The following RORA variants were observed in gnomAD, a reference collection of about 807,000 sequenced individuals.
RORA encodes RAR related orphan receptor A.
RORA carries 7 observed loss-of-function variants against 69.5 expected under a neutral mutation model. The ratio of observed to expected loss-of-function variants is 0.10; its 90% confidence interval spans 0.06 to 0.19. RORA has a LOEUF of 0.19. Among genes scored for constraint, RORA ranks in the 10% least tolerant of loss-of-function variants. The pLI is 1.00. For synonymous variants in RORA, 261 were observed against 240.8 expected, an observed-to-expected ratio of 1.08 and a Z score of -0.78; for missense variants, 457 against 663.0, an observed-to-expected ratio of 0.69 and a Z score of 3.41.
intron 1 of RORA, among the ~76,000 whole-genome samples, chr15:60,689,910 G>C (rs2070798234): frequency 2.0e-5 from 3 of 152,174 alleles, no homozygotes; most frequent in African/African-American, 7.2e-5. Flanking sequence ...CTGCCACCTT[G>C]ATTTTGGGAC....
intron 1 of RORA, among the ~76,000 whole-genome samples, chr15:61,004,639 C>A (rs1181164771): frequency 1.3e-5 from 2 of 152,138 alleles, no homozygotes; most frequent in Non-Finnish European, 2.9e-5. Context: ...CACATACACA[C>A]CCGTTCTAGG....
At position 61,022,607 on chromosome 15, in the gene RORA, C is replaced by T. The variant is rs532649702; in HGVS notation, c.166+206446G>A. Among the ~76,000 whole-genome samples the T allele has an allele frequency of 6.6e-5, 10 of 152,140 alleles. No homozygotes were observed. The East Asian group carries it at 1.9e-3, about 29-fold the overall frequency. ...GATGGGGTCATATTCAGAGCCCCGC[C>T]GTGATAAATAAGACTCCTTTCTGTA... On this transcript the variant is annotated intron_variant, in intron 1 of 10. Transcript: ENST00000335670.
At chr15:61,205,705 C>T (rs934410796) in intron 1 of RORA, among the ~76,000 whole-genome samples, 13 of 152,150 alleles carry the variant, frequency 8.5e-5, no homozygotes, top group Admixed American at 3.9e-4. Context: ...TCTCTAGGGG[C>T]AGCTGTGGTC....
At chr15:60,504,619 C>T (rs34923402) in intron 6 of RORA, among the ~76,000 whole-genome samples, 4,252 of 152,270 alleles carry the variant, frequency 0.028, 90 homozygotes, top group Middle Eastern at 0.048. Context: ...ACTCTAAAAT[C>T]CTATTTCATA....
At chr15:61,038,359 G>A (rs1388335289) in intron 1 of RORA, among the ~76,000 whole-genome samples, 1 of 152,110 alleles carries the variant, frequency 6.6e-6, no homozygotes, top group East Asian at 1.9e-4. Flanking sequence ...GAGGAAACAG[G>A]TATTGATCAC....
chr15:61,090,725 T>A (rs1004658039), intron 1 of RORA, among the ~76,000 whole-genome samples: 8 of 152,162 alleles, frequency 5.3e-5, no homozygotes, highest in South Asian at 2.1e-4. Flanking sequence ...ACAAGCTGTT[T>A]AGTTAATGAG....
At chr15:61,010,526 G>T (rs1371475215) in intron 1 of RORA, among the ~76,000 whole-genome samples, 3 of 152,204 alleles carry the variant, frequency 2.0e-5, no homozygotes, top group African/African-American at 7.2e-5. Flanking sequence ...CTGGCCAATT[G>T]TATGAATGCA....
intron 2 of RORA, chr15:60,558,197 A>G (rs746806113): frequency 6.6e-7 from 1 of 1,506,452 alleles, no homozygotes; most frequent in Admixed American, 1.7e-5. Context: ...GATGGAGGAC[A>G]GGTCAGGAGG....
intron 2 of RORA, chr15:60,600,955 T>G (rs1050216225): frequency 2.6e-5 from 4 of 152,178 alleles, no homozygotes; most frequent in African/African-American, 9.7e-5. Flanking sequence ...GTACTTTTAT[T>G]ACATTCATTT....
intron 1 of RORA, among the ~76,000 whole-genome samples, chr15:61,094,105 A>T (rs942168753): frequency 4.1e-4 from 63 of 152,294 alleles, no homozygotes; most frequent in African/African-American, 1.4e-3. Context: ...AGATGTTGAT[A>T]TTCATTAGAA....
intron 1 of RORA, among the ~76,000 whole-genome samples, chr15:60,894,522 A>T (rs1181189282): frequency 6.6e-6 from 1 of 152,120 alleles, no homozygotes; most frequent in Non-Finnish European, 1.5e-5. Flanking sequence ...TTTTTGAGGG[A>T]GTAGGTGGTG....
intron 5 of RORA, among the ~76,000 whole-genome samples, chr15:60,507,490 T>G (rs2065545366): frequency 6.6e-6 from 1 of 151,658 alleles, no homozygotes; most frequent in African/African-American, 2.4e-5. Flanking sequence ...TAAAACAGCA[T>G]GAATAAATAA....
At chr15:61,101,917 G>A (rs1259685655) in intron 1 of RORA, among the ~76,000 whole-genome samples, 2 of 152,172 alleles carry the variant, frequency 1.3e-5, no homozygotes, top group Non-Finnish European at 2.9e-5. Flanking sequence ...ATGAGACAGA[G>A]GTGCAATGTG....
At chr15:60,706,569 C>T (rs1387069742) in intron 1 of RORA, among the ~76,000 whole-genome samples, 1 of 152,190 alleles carries the variant, frequency 6.6e-6, no homozygotes, top group Non-Finnish European at 1.5e-5. Context: ...AGATAAATCA[C>T]AACCTGAGTC....
At chr15:60,523,680 AAT>A (rs1417458060) in intron 3 of RORA, among the ~76,000 whole-genome samples, 2 of 152,080 alleles carry the variant, frequency 1.3e-5, no homozygotes, top group Non-Finnish European at 2.9e-5. Flanking sequence ...TCTGGAACAG[AAT>A]ATATATATTT....
rs1186809221 is a variant in RORA at position 60,534,093 on chromosome 15, T to A, written c.197-2242A>T. ...GCATCTGGACAAACTGAAAATGATA[T>A]GCAGTATTCCTGTACAGTCGGCCTG... On this transcript the variant is annotated intron_variant, in intron 2 of 10. Coordinates refer to ENST00000335670, the MANE Select transcript of RORA (RefSeq NM_134261.3). The surrounding 1 kb of genome is among the most constrained non-coding windows in gnomAD (Gnocchi z 5.0). Among the ~76,000 whole-genome samples, 2 of 152,242 alleles carry A rather than the reference T, an allele frequency of 1.3e-5. No individual in the cohort carries two copies. Among genetic ancestry groups the A allele is most frequent in the African/African-American group, 2.4e-5 (1 of 41,456 alleles).
chr15:60,869,587 C>T (rs141909494), intron 1 of RORA, among the ~76,000 whole-genome samples: 10 of 152,294 alleles, frequency 6.6e-5, no homozygotes, highest in East Asian at 1.9e-4. Flanking sequence ...TCTGATGGCA[C>T]ACAATGTCCG....
chr15:60,872,017 A>G (rs561231512), intron 1 of RORA, among the ~76,000 whole-genome samples: 1 of 152,300 alleles, frequency 6.6e-6, no homozygotes, highest in South Asian at 2.1e-4. Context: ...TCCAAAGTAA[A>G]CAGTTTATTG....
In RORA at chr15:60,872,427, G is replaced by T. The variant is rs373537509; in HGVS notation, c.167-193741C>A. The stretch of plus-strand genomic sequence containing the variant: ...GCAGCTATTGTTTGGTCTTCACTCT[G>T]GAAGTGGGACAGCAAGAGAAACTTT... On this transcript the variant is annotated intron_variant, in intron 1 of 10. Transcript: ENST00000335670. Among the ~76,000 whole-genome samples, 32 of 152,306 alleles carry T rather than the reference G, an allele frequency of 2.1e-4. No individual in the cohort carries two copies. In the East Asian group the frequency reaches 3.7e-3, roughly 17 times the overall value.
Sources: allele counts gnomAD v4.1 joint callset (sites outside exome capture counted in the v4.1 genomes callset), GRCh38; gene constraint gnomAD v4.1.1; non-coding constraint Gnocchi (gnomAD v3.1); transcripts MANE v1.5; gene names NCBI Gene and HGNC (gene_info 2026-07-23, HGNC 2026-07-21).